TRPM3: variants seen among roughly 807,000 people sequenced by gnomAD.
The protein encoded by TRPM3 is transient receptor potential cation channel subfamily M member 3, also known as long transient receptor potential channel 3.
A neutral mutation model predicts 181.2 loss-of-function variants in TRPM3; 77 were observed. The ratio of observed to expected loss-of-function variants is 0.42; its 90% CI spans 0.35 to 0.51. The LOEUF (loss-of-function observed/expected upper bound fraction) is 0.51, where lower values mean the gene tolerates loss of function less well. TRPM3 is among the 20% of genes least tolerant of loss of function. The pLI, the probability that TRPM3 is intolerant of heterozygous loss-of-function variation, is 0.01. For missense variants in TRPM3, 1,759 were observed against 2,196.7 expected (o/e 0.80, Z 3.98); for synonymous variants, 745 against 796.4 (o/e 0.94, Z 1.09).
chr9:71,270,692 C>T (rs1463651684), intron 1 of TRPM3, among the ~76,000 whole-genome samples: 2 of 152,118 alleles, frequency 1.3e-5, no homozygotes, highest in South Asian at 2.1e-4. Flanking sequence ...GTATACATGC[C>T]CTGTAATAGT....
chr9:71,342,474 A>G (rs1443266829), intron 1 of TRPM3, among the ~76,000 whole-genome samples: 2 of 151,820 alleles, frequency 1.3e-5, no homozygotes, highest in East Asian at 3.9e-4. Context: ...TTATACAGCT[A>G]TAAAAAGTAA....
At chr9:71,059,050 C>G (rs905526830) in intron 1 of TRPM3, among the ~76,000 whole-genome samples, 22 of 84,322 alleles carry the variant, frequency 2.6e-4, no homozygotes, top group Non-Finnish European at 3.7e-4. Context: ...TTACCAGTCA[C>G]TATTAATCCA....
At chr9:70,807,187 A>C (rs968203931) in intron 6 of TRPM3, among the ~76,000 whole-genome samples, 4 of 152,240 alleles carry the variant, frequency 2.6e-5, no homozygotes, top group African/African-American at 9.6e-5. Flanking sequence ...ATGGGCAATT[A>C]TCATTTTGAA....
chr9:70,887,750 C>G (rs1475804069), intron 1 of TRPM3, among the ~76,000 whole-genome samples: 1 of 152,128 alleles, frequency 6.6e-6, no homozygotes, highest in Admixed American at 6.5e-5. Flanking sequence ...CATCTCATTT[C>G]TTTACCACCA....
chr9:70,972,934 C>T (rs2097261631), intron 1 of TRPM3, among the ~76,000 whole-genome samples: 1 of 152,122 alleles, frequency 6.6e-6, no homozygotes, highest in South Asian at 2.1e-4. Context: ...ACTTTGGAAT[C>T]TAACCCCTAC....
At chr9:71,170,996 A>G (rs893771921) in intron 1 of TRPM3, among the ~76,000 whole-genome samples, 3 of 151,092 alleles carry the variant, frequency 2.0e-5, no homozygotes, top group Non-Finnish European at 4.4e-5. Context: ...CCTGAGAAAG[A>G]GAATATGCGC....
chr9:70,976,065 G>C (rs2909293), intron 1 of TRPM3, among the ~76,000 whole-genome samples: 108,735 of 152,062 alleles, frequency 0.72, 38,919 homozygotes, highest in African/African-American at 0.74. Flanking sequence ...CATCTAGCAC[G>C]TATTTTCAGT....
At chr9:71,206,881 G>GA (rs199739402) in intron 1 of TRPM3, among the ~76,000 whole-genome samples, 70 of 147,584 alleles carry the variant, frequency 4.7e-4, no homozygotes, top group Admixed American at 1.5e-3. Context: ...ATGTTTTGCA[G>GA]AAAAAAAAAA....
At chr9:71,186,227 C>T (rs1450730601) in intron 1 of TRPM3, among the ~76,000 whole-genome samples, 4 of 151,932 alleles carry the variant, frequency 2.6e-5, no homozygotes, top group Admixed American at 6.6e-5. Flanking sequence ...TTGCAATTAC[C>T]GTATTTCCAA....
intron 1 of TRPM3, among the ~76,000 whole-genome samples, chr9:71,179,535 G>C (rs1181631003): frequency 6.6e-6 from 1 of 152,128 alleles, no homozygotes; most frequent in African/African-American, 2.4e-5. Context: ...ATTGGCTGGT[G>C]AATTTGGACA....
At chr9:71,302,072 T>C (rs2086828604) in intron 1 of TRPM3, among the ~76,000 whole-genome samples, 1 of 152,058 alleles carries the variant, frequency 6.6e-6, no homozygotes, top group African/African-American at 2.4e-5. Context: ...TCCAAATGTC[T>C]ACATAAAACA....
At position 71,358,969 on chromosome 9, in the gene TRPM3, C is replaced by T. The variant is rs138037915; in HGVS notation, c.183+87684G>A. Among the ~76,000 whole-genome samples the T allele has an allele frequency of 6.0e-3, 911 of 152,246 alleles. 5 individuals are homozygous for T. The highest frequency in any genetic ancestry group is 8.2e-3 in the Non-Finnish European group (557 of 68,010). On this transcript the variant is annotated intron_variant, in intron 1 of 24. Coordinates refer to the TRPM3 transcript ENST00000357533. ...TTTTTATAAAATACATGGTTCTTTA[C>T]GCATCAAAATAAATAAACTGAACAT...
At chr9:71,083,709 T>A (rs967462208) in intron 1 of TRPM3, among the ~76,000 whole-genome samples, 1 of 106,290 alleles carries the variant, frequency 9.4e-6, no homozygotes, top group Non-Finnish European at 1.9e-5. Flanking sequence ...AATGTATTAT[T>A]ATGTACACAC....
intron 12 of TRPM3, among the ~76,000 whole-genome samples, chr9:70,633,289 C>T (rs1395318875): frequency 6.6e-6 from 1 of 152,208 alleles, no homozygotes; most frequent in Non-Finnish European, 1.5e-5. Flanking sequence ...TCGAATGTGT[C>T]TACTTCTACT....
intron 6 of TRPM3, chr9:70,826,602 A>G (rs981805591): frequency 1.3e-5 from 2 of 152,254 alleles, no homozygotes; most frequent in Non-Finnish European, 2.9e-5. Context: ...GATAAATCTA[A>G]CATCCCTGTT....
At chr9:70,827,689 A>G in intron 6 of TRPM3, 158 bp downstream of exon 6, 3 of 804,780 alleles carry the variant, frequency 3.7e-6, no homozygotes, top group Non-Finnish European at 5.8e-6. Flanking sequence ...TCTCCTCTGG[A>G]TGGCTTCCTC....
chr9:70,914,406 A>G (rs2096569699), intron 1 of TRPM3, among the ~76,000 whole-genome samples: 1 of 152,262 alleles, frequency 6.6e-6, no homozygotes, highest in Non-Finnish European at 1.5e-5. Context: ...TTGTTAAAGC[A>G]GCAGGAAAAC....
chr9:71,365,555 G>T (rs1170743813), intron 1 of TRPM3, among the ~76,000 whole-genome samples: 1 of 152,136 alleles, frequency 6.6e-6, no homozygotes, highest in Non-Finnish European at 1.5e-5. Context: ...GAGATCTCAG[G>T]TATGTGGCTT....
chr9:70,536,788 C>G lies in TRPM3; in HGVS notation c.4325G>C (p.Ser1442Thr), dbSNP rs769483244. The G allele has an allele frequency of 6.2e-7, 1 of 1,614,142 alleles. No homozygotes were observed. Among genetic ancestry groups the G allele is most frequent in the Non-Finnish European group, 8.5e-7 (1 of 1,180,024 alleles). ...TGTGGAAGGTACTGGAGTTGAAAAG[C>G]TTGGCTCGCCCAGCCCAAGGATGTT... ...SVNILGLGEP[S>T]FSTPVPSTAP... The change falls in exon 26 of 26, where the codon AGC becomes ACC. Residue 1442 changes from serine to threonine, a missense_variant. Around this residue, in one of 8 missense-constraint regions of TRPM3, gnomAD observed 612 missense variants for 590.0 expected, o/e 1.04. Transcript: ENST00000677713.
Sources: gnomAD v4.1 joint callset for allele counts (sites outside exome capture counted in the v4.1 genomes callset) on GRCh38, gnomAD v4.1.1 for gene constraint, gnomAD v4.1.1 regional missense constraint, MANE v1.5 for transcripts, NCBI Gene and HGNC (gene_info 2026-07-23, HGNC 2026-07-21) for gene names.